The following IQGAP2 variants were observed in gnomAD, a reference collection of about 807,000 sequenced individuals.
IQGAP2 encodes IQ motif containing GTPase activating protein 2, also known as ras GTPase-activating-like protein IQGAP2.
In IQGAP2, 173 loss-of-function variants were observed where a neutral mutation model predicts 201.3. The ratio of observed to expected loss-of-function variants is 0.86; its 90% confidence interval spans 0.76 to 0.98. The LOEUF (loss-of-function observed/expected upper bound fraction) is 0.98, where lower values mean the gene tolerates loss of function less well. IQGAP2 is among the 50% of genes least tolerant of loss of function. IQGAP2 has a pLI of 0.00. For missense variants in IQGAP2, 1,687 were observed against 1,864.8 expected, an observed-to-expected ratio of 0.90 and a Z score of 1.76; for synonymous variants, 675 against 673.9, an observed-to-expected ratio of 1.00 and a Z score of -0.03.
chr5:76,518,949 A>G (rs1448286389), intron 2 of IQGAP2, among the ~76,000 whole-genome samples: 1 of 152,224 alleles, frequency 6.6e-6, no homozygotes, highest in Non-Finnish European at 1.5e-5. Context: ...TTCCTATTAT[A>G]AATTTATTAT....
chr5:76,705,446 A>G (rs1364642644), intron 35 of IQGAP2, among the ~76,000 whole-genome samples: 1 of 152,178 alleles, frequency 6.6e-6, no homozygotes, highest in Middle Eastern at 3.2e-3. Context: ...TTTTCAAGTC[A>G]TGAGTCCAGC....
At chr5:76,599,948 A>G (rs1295084702) in intron 10 of IQGAP2, among the ~76,000 whole-genome samples, 1 of 152,170 alleles carries the variant, frequency 6.6e-6, no homozygotes, top group Admixed American at 6.5e-5. Context: ...TCTAAGACGT[A>G]TTTTTTTGGA....
intron 5 of IQGAP2, among the ~76,000 whole-genome samples, chr5:76,587,811 T>C (rs1038562948): frequency 1.3e-5 from 2 of 151,922 alleles, no homozygotes; most frequent in Non-Finnish European, 2.9e-5. Context: ...ACGGGCTCTG[T>C]GGCATGCACC....
intron 35 of IQGAP2, among the ~76,000 whole-genome samples, chr5:76,705,258 A>G (rs1380953331): frequency 1.3e-5 from 2 of 152,212 alleles, no homozygotes; most frequent in East Asian, 3.9e-4. Flanking sequence ...CTGCAAGACA[A>G]GAGTAGCTTA....
At chr5:76,608,067 C>T (rs930577999) in intron 12 of IQGAP2, 2 of 152,228 alleles carry the variant, frequency 1.3e-5, no homozygotes, top group Non-Finnish European at 2.9e-5. Flanking sequence ...CAAGTACAGC[C>T]TTTGCTTTAG....
intron 1 of IQGAP2, among the ~76,000 whole-genome samples, chr5:76,414,708 A>T (rs924297595): frequency 4.6e-5 from 7 of 152,216 alleles, no homozygotes; most frequent in African/African-American, 1.7e-4. Context: ...CTCCATGAGA[A>T]CCAGGGTCAC....
intron 13 of IQGAP2, among the ~76,000 whole-genome samples, chr5:76,611,810 C>T (rs1284903195): frequency 1.3e-5 from 2 of 152,164 alleles, no homozygotes; most frequent in Non-Finnish European, 2.9e-5. Context: ...CCCACAAAGA[C>T]TGGCCTCTGT....
At chr5:76,677,585 A>G (rs749552296) in intron 28 of IQGAP2, 2 of 327,488 alleles carry the variant, frequency 6.1e-6, no homozygotes, top group Non-Finnish European at 1.1e-5. Context: ...AGACATTAAT[A>G]AAACTTCTCC....
rs1444120361 is a variant in IQGAP2, at chr5:76,674,612, G to C, written c.3430G>C (p.Val1144Leu). Residue 1144 changes from valine to leucine, a missense_variant, in exon 27 of 36, where the codon GTT (valine) becomes CTT (leucine). Coordinates refer to ENST00000274364, the MANE Select transcript of IQGAP2 (RefSeq NM_006633.5). ...GAGAAACTTAGGATCAGTGGCCAAG[G>C]TTCTTCAGCACGCAGCCTCCAACAA... ...QRRNLGSVAK[V>L]LQHAASNKLF... 1.2e-6 allele frequency: 2 copies of C among 1,613,974 alleles called. No individual in the cohort carries two copies. The highest frequency in any genetic ancestry group is 3.3e-5 in the Admixed American group (2 of 59,992).
Position 76,658,525 on chromosome 5 carries a change from T to C in IQGAP2, c.2387T>C (p.Leu796Ser). Reference sequence around the variant, plus strand: ...GTATACCTGCTGGACCAAAGTGATTTGGATTTCCAGGAGGAACTAGAGGTT... The same window carrying C: ...GTATACCTGCTGGACCAAAGTGATTCGGATTTCCAGGAGGAACTAGAGGTT... ...KFVYLLDQSD[L>S]DFQEELEVAR... Residue 796 changes from leucine to serine, a missense_variant, in exon 21 of 36, where the codon TTG becomes TCG. Leu to Ser is a moderately radical substitution (Grantham distance 145, BLOSUM62 -2). Coordinates refer to ENST00000274364, the MANE Select transcript of IQGAP2 (RefSeq NM_006633.5). The C allele has an allele frequency of 4.3e-6, 7 of 1,614,076 alleles. No homozygotes were observed. The highest frequency in any genetic ancestry group is 5.9e-6 in the Non-Finnish European group (7 of 1,179,998).
chr5:76,664,803 A>G (rs1412163610), intron 21 of IQGAP2, among the ~76,000 whole-genome samples: 1 of 152,260 alleles, frequency 6.6e-6, no homozygotes, highest in African/African-American at 2.4e-5. Context: ...AGCACATGCT[A>G]TTGGAAAAAA....
In IQGAP2 at chr5:76,687,045, C is replaced by G. The variant is rs543279794; in HGVS notation, c.3905+3128C>G. On this transcript the variant is annotated intron_variant, in intron 30 of 35. Coordinates refer to ENST00000274364, the MANE Select transcript of IQGAP2 (RefSeq NM_006633.5). ...GTAATGAGTTTTGAAATACGGAAGT[C>G]CTCCAACTTCTTTCTTCTTTTTCAA... 2.0e-5 allele frequency among the ~76,000 whole-genome samples: 3 copies of G among 152,282 alleles called. No homozygotes were observed. The South Asian group carries it at 6.2e-4, about 32-fold the overall frequency.
chr5:76,695,228 A>G (rs574904677), intron 31 of IQGAP2, among the ~76,000 whole-genome samples: 14 of 152,352 alleles, frequency 9.2e-5, no homozygotes, highest in Admixed American at 2.6e-4. Flanking sequence ...CTTGGCAATA[A>G]AGTAGCTATT....
Position 76,641,042 on chromosome 5 carries a change from A to G in IQGAP2, c.2033A>G (p.Glu678Gly), listed in dbSNP as rs765566289. Residue 678 changes from glutamate (E) to glycine (G), a missense_variant, in exon 17 of 36, where the codon GAA becomes GGA. Physicochemically the swap from Glu to Gly is moderately conservative, Grantham distance 98. Transcript: ENST00000274364. ...ACAAGCTCAGGACCCATCCTTAGGGAAGAGTTTGAAGCTAGAAAATCATTT... is the reference window on the plus strand; with the variant it reads ...ACAAGCTCAGGACCCATCCTTAGGGGAGAGTTTGAAGCTAGAAAATCATTT... ...QATSSGPILR[E>G]EFEARKSFLH... The G allele has an allele frequency of 6.2e-7, 1 of 1,610,362 alleles. No individual in the cohort carries two copies. The highest frequency in any genetic ancestry group is 1.1e-5 in the South Asian group (1 of 90,900).
rs1379435601 is a variant in IQGAP2 at position 76,673,959 on chromosome 5, T to C, written c.3217T>C (p.Leu1073=). 7.6e-6 allele frequency: 12 copies of C among 1,571,112 alleles called. No homozygotes were observed. Among genetic ancestry groups the C allele is most frequent in the South Asian group, 6.7e-5 (6 of 89,986 alleles). ...CATCTGTTTTATATGTAGTTATGGATTGAGGTATATAGCCAAAGTACTGAA... is the reference window on the plus strand; with the variant it reads ...CATCTGTTTTATATGTAGTTATGGACTGAGGTATATAGCCAAAGTACTGAA... ...ISSLDLLPYG[L]RYIAKVLKNS... The change falls in exon 26 of 36, where the codon TTG becomes CTG. Residue 1073 remains leucine (L), a synonymous_variant. Transcript: ENST00000274364.
At chr5:76,607,497 C>T (rs1424013961) in intron 12 of IQGAP2, 3 of 152,198 alleles carry the variant, frequency 2.0e-5, no homozygotes, top group Non-Finnish European at 4.4e-5. Context: ...ATCTAAATTT[C>T]TTTCGAGACG....
At chr5:76,701,690 C>T (rs1440823156) in intron 34 of IQGAP2, 1 of 153,394 alleles carries the variant, frequency 6.5e-6, no homozygotes, top group Non-Finnish European at 1.5e-5. Flanking sequence ...TTAAAGGGGT[C>T]ATGAGCCCAG....
At chr5:76,584,830 C>A (rs1746131179) in intron 5 of IQGAP2, among the ~76,000 whole-genome samples, 1 of 152,184 alleles carries the variant, frequency 6.6e-6, no homozygotes, top group African/African-American at 2.4e-5. Context: ...CAGAAGATGT[C>A]AGACATTTGA....
At chr5:76,564,721 C>T (rs532141666) in intron 3 of IQGAP2, among the ~76,000 whole-genome samples, 4 of 152,118 alleles carry the variant, frequency 2.6e-5, no homozygotes, top group African/African-American at 7.2e-5. Flanking sequence ...AAAATACTTG[C>T]GGGGCGTAGG....
Sources: gnomAD v4.1 joint callset for allele counts (sites outside exome capture counted in the v4.1 genomes callset) on GRCh38, gnomAD v4.1.1 for gene constraint, MANE v1.5 for transcripts, NCBI Gene and HGNC (gene_info 2026-07-23, HGNC 2026-07-21) for gene names.